SLC6A2: variants seen among roughly 807,000 people sequenced by gnomAD.
The protein encoded by SLC6A2 is sodium-dependent noradrenaline transporter.
Under a neutral mutation model 71.7 loss-of-function variants are expected in SLC6A2, and 26 were observed. The ratio of observed to expected loss-of-function variants is 0.36; its 90% CI spans 0.27 to 0.50. The LOEUF (loss-of-function observed/expected upper bound fraction) is 0.50, where lower values mean the gene tolerates loss of function less well. Among genes scored for constraint, SLC6A2 ranks in the 20% least tolerant of loss-of-function variants. The pLI is 0.96. For synonymous variants in SLC6A2, 363 were observed against 337.9 expected, an observed-to-expected ratio of 1.07 and a Z score of -0.82; for missense variants, 581 against 803.9, an observed-to-expected ratio of 0.72 and a Z score of 3.35.
intron 5 of SLC6A2, among the ~76,000 whole-genome samples, chr16:55,685,981 C>G (rs1389839397): frequency 6.6e-6 from 1 of 152,064 alleles, no homozygotes; most frequent in Admixed American, 6.6e-5. Context: ...AACAACAACC[C>G]CATTTGGACT....
chr16:55,700,679 C>T (rs1476776638), intron 13 of SLC6A2, among the ~76,000 whole-genome samples: 2 of 152,104 alleles, frequency 1.3e-5, no homozygotes, highest in African/African-American at 2.4e-5. Flanking sequence ...CCCAAGATGT[C>T]CCAGCTCTCC....
In SLC6A2 at chr16:55,701,846, C is replaced by G; in HGVS notation, c.1759-17C>G. 1 of 1,610,602 alleles carries G rather than the reference C, an allele frequency of 6.2e-7. No individual in the cohort carries two copies. Among genetic ancestry groups the G allele is most frequent in the Non-Finnish European group, 8.5e-7 (1 of 1,176,712 alleles). ...CCTGGGCCAAGCTGAGGCCTCCTCC[C>G]CTTCTCTTCCTTTCAGAGACTGGCC... On this transcript the variant is annotated splice_polypyrimidine_tract_variant and intron_variant, in intron 13 of 14. Coordinates refer to ENST00000568943, the MANE Select transcript of SLC6A2 (RefSeq NM_001172501.3).
rs1964851241 is a variant in SLC6A2 at position 55,669,686 on chromosome 16, A to G, written c.396A>G (p.Pro132=). The change falls in exon 3 of 15, where the codon CCA becomes CCG. Residue 132 remains proline (P), a synonymous_variant. Transcript: ENST00000568943. The stretch of plus-strand genomic sequence containing the variant: ...CTGCCACCGTTTGGAAAATCTGCCC[A>G]TTCTTCAAAGGTAAAGAAGGGGTGG... ...EGAATVWKIC[P]FFKGVGYAVI... 11 of 1,614,154 alleles carry G rather than the reference A, an allele frequency of 6.8e-6. No homozygotes were observed. Among genetic ancestry groups the G allele is most frequent in the Non-Finnish European group, 9.3e-6 (11 of 1,180,014 alleles).
At chr16:55,701,987 G>A (rs1965985137) in intron 14 of SLC6A2, 53 bp downstream of exon 14, 3 of 1,377,046 alleles carry the variant, frequency 2.2e-6, no homozygotes, top group Middle Eastern at 3.6e-4. Context: ...GGCCCTGGCT[G>A]TTCCCTGCTG....
In SLC6A2 at chr16:55,702,922, A is replaced by G; in HGVS notation, c.*576A>G. ...TGTCTCTAAAATGAAGTCAGTGGAT[A>G]GATGCTTTGAGGGATTTTGAGTAGA... On this transcript the variant is annotated 3_prime_UTR_variant, in exon 15 of 15. Coordinates refer to ENST00000568943, the MANE Select transcript of SLC6A2 (RefSeq NM_001172501.3). 3.0e-6 allele frequency: 3 copies of G among 989,206 alleles called. No homozygotes were observed. In the South Asian group the frequency reaches 1.4e-4, roughly 46 times the overall value. 61.3% of individuals were successfully genotyped at this position (989,206 alleles called of 1,614,324 possible). A position where few individuals can be genotyped will look rare whatever the true frequency, so the allele number is the denominator to read the frequency against.
At chr16:55,669,101 C>G (rs1964832065) in intron 2 of SLC6A2, among the ~76,000 whole-genome samples, 1 of 152,164 alleles carries the variant, frequency 6.6e-6, no homozygotes, top group Non-Finnish European at 1.5e-5. Context: ...GAAACTCCGT[C>G]ATGTAAATTT....
chr16:55,697,827 C>A (rs1168615441), intron 9 of SLC6A2, 70 bp from the exon 10 acceptor site: 43 of 1,584,240 alleles, frequency 2.7e-5, no homozygotes, highest in Admixed American at 5.1e-5. Flanking sequence ...GCTCTAGGAA[C>A]CCTGGGGCCT....
chr16:55,692,096 A>C, intron 6 of SLC6A2, 44 bp downstream of exon 6: 1 of 1,610,652 alleles, frequency 6.2e-7, no homozygotes, highest in South Asian at 1.1e-5. Context: ...GGCTTGTGGG[A>C]GGGTTTTCAG....
intron 2 of SLC6A2, among the ~76,000 whole-genome samples, chr16:55,666,735 C>T (rs1445280014): frequency 6.6e-6 from 1 of 152,168 alleles, no homozygotes; most frequent in Non-Finnish European, 1.5e-5. Context: ...GGCAGTTTAC[C>T]TATGTGTTGG....
chr16:55,692,069 C>T lies in SLC6A2; in HGVS notation c.918+17C>T, dbSNP rs773466798. 9 of 1,613,976 alleles carry T rather than the reference C, an allele frequency of 5.6e-6. No individual in the cohort carries two copies. The African/African-American group carries it at 1.1e-4, about 19-fold the overall frequency. ...GAGGCCACGGTCAGTGCTCAGTGAC[C>T]ACCAAGCCTTGGGCCAGGCTTGTGG... On this transcript the variant is annotated intron_variant, in intron 6 of 14. Transcript: ENST00000568943.
intron 9 of SLC6A2, 118 bp from the exon 10 acceptor site, chr16:55,697,779 G>C: frequency 1.9e-6 from 2 of 1,053,482 alleles, no homozygotes; most frequent in Non-Finnish European, 2.8e-6. Context: ...TTTCTCGAGA[G>C]AGGCAAGGCA....
At chr16:55,657,163 T>G (rs2142475313) in intron 2 of SLC6A2, among the ~76,000 whole-genome samples, 195 bp downstream of exon 2, 1 of 152,248 alleles carries the variant, frequency 6.6e-6, no homozygotes, top group Admixed American at 6.5e-5. Context: ...CCCAGGCTCT[T>G]TGCAGAGTAC....
At position 55,702,858 on chromosome 16, in the gene SLC6A2, C is replaced by T. The variant is rs1382478112; in HGVS notation, c.*512C>T. On this transcript the variant is annotated 3_prime_UTR_variant, in exon 15 of 15. Coordinates refer to ENST00000568943, the MANE Select transcript of SLC6A2 (RefSeq NM_001172501.3). Reference sequence around the variant, plus strand: ...CTCCTCTTGCCCACCCTAGACAGCCCTCTCATGTCTGAACCTCAGCCTGGG... The same window carrying T: ...CTCCTCTTGCCCACCCTAGACAGCCTTCTCATGTCTGAACCTCAGCCTGGG... The T allele has an allele frequency of 1.0e-6, 1 of 995,548 alleles. No homozygotes were observed. Among genetic ancestry groups the T allele is most frequent in the Non-Finnish European group, 1.2e-6 (1 of 835,786 alleles). The allele number at this position is 995,548 out of a possible 1,614,324, so 61.7% of individuals were successfully genotyped here.
chr16:55,699,798 G>A (rs1965913382), intron 12 of SLC6A2, 144 bp downstream of exon 12: 2 of 723,960 alleles, frequency 2.8e-6, no homozygotes, highest in Admixed American at 2.0e-5. Context: ...TGGGATGCTT[G>A]GCCCTGTGGA....
At chr16:55,681,323 G>A (rs1299580360) in intron 4 of SLC6A2, among the ~76,000 whole-genome samples, 1 of 152,212 alleles carries the variant, frequency 6.6e-6, no homozygotes, top group Non-Finnish European at 1.5e-5. Context: ...GTGATCCCCA[G>A]GGGGCTGGAG....
chr16:55,702,216 G>A (rs911291969), intron 14 of SLC6A2, 107 bp from the exon 15 acceptor site: 1 of 1,062,982 alleles, frequency 9.4e-7, no homozygotes, highest in Non-Finnish European at 1.5e-6. Context: ...CGTGAAGGAA[G>A]GGGGTGTTTT....
In SLC6A2 at chr16:55,684,312, A is replaced by C. The variant is rs539411272; in HGVS notation, c.645-831A>C. 5.8e-3 allele frequency among the ~76,000 whole-genome samples: 872 copies of C among 151,284 alleles called. 12 individuals are homozygous for C. Among genetic ancestry groups the C allele is most frequent in the African/African-American group, 0.019 (776 of 40,942 alleles). On this transcript the variant is annotated intron_variant, in intron 4 of 14. Coordinates refer to ENST00000568943, the MANE Select transcript of SLC6A2 (RefSeq NM_001172501.3). The stretch of plus-strand genomic sequence containing the variant: ...TGAGAGCCTGTCTCAAAAAAAAAAA[A>C]AAAAACAACAACAACAAAACTCCAC...
At chr16:55,685,382 G>C in intron 5 of SLC6A2, 101 bp downstream of exon 5, 1 of 1,294,650 alleles carries the variant, frequency 7.7e-7, no homozygotes, top group Admixed American at 1.7e-5. Flanking sequence ...AAAAAAGATG[G>C]AGCTGGAAGT....
intron 2 of SLC6A2, among the ~76,000 whole-genome samples, chr16:55,668,888 C>T (rs989662245): frequency 2.0e-5 from 3 of 152,154 alleles, no homozygotes; most frequent in Admixed American, 6.5e-5. Flanking sequence ...AATGTGAATC[C>T]GGCTTCCATC....
Sources: allele counts gnomAD v4.1 joint callset (sites outside exome capture counted in the v4.1 genomes callset), GRCh38; gene constraint gnomAD v4.1.1; transcripts MANE v1.5; gene names NCBI Gene and HGNC (gene_info 2026-07-23, HGNC 2026-07-21).